KNTC1: variants seen among roughly 807,000 people sequenced by gnomAD.
KNTC1 encodes kinetochore associated 1, also known as kinetochore-associated protein 1.
A neutral mutation model predicts 314.4 loss-of-function variants in KNTC1; 253 were observed. The observed-to-expected ratio is 0.80, with a 90% CI of 0.73 to 0.89. KNTC1 has a LOEUF of 0.89. Among genes scored for constraint, KNTC1 ranks in the 40% least tolerant of loss-of-function variants. The pLI is 0.00. For synonymous variants in KNTC1, 901 were observed against 901.4 expected, an observed-to-expected ratio of 1.00 and a Z score of 0.01; for missense variants, 2,475 against 2,572.9, an observed-to-expected ratio of 0.96 and a Z score of 0.82.
intron 51 of KNTC1, among the ~76,000 whole-genome samples, chr12:122,608,366 G>A (rs1288982624): frequency 6.6e-6 from 1 of 152,138 alleles, no homozygotes; most frequent in Non-Finnish European, 1.5e-5. Context: ...CTGAGCTTAG[G>A]TGATTCACCC....
chr12:122,573,161 T>C lies in KNTC1; in HGVS notation c.2159T>C (p.Val720Ala), dbSNP rs191772462. The C allele has an allele frequency of 3.1e-6, 5 of 1,613,944 alleles. No individual in the cohort carries two copies. The highest frequency in any genetic ancestry group is 2.2e-5 in the East Asian group (1 of 44,854). The change falls in exon 26 of 64, where the codon GTG (valine) becomes GCG (alanine). Residue 720 changes from valine to alanine, a missense_variant. Val to Ala is a moderately conservative substitution (Grantham distance 64). Coordinates refer to ENST00000333479, the MANE Select transcript of KNTC1 (RefSeq NM_014708.6). ...DFEKENTTTI[V>A]FRMFDKVLAP... The stretch of plus-strand genomic sequence containing the variant: ...ATCCAGGAAAATACAACCACCATAG[T>C]GTTCCGAATGTTTGATAAAGTGCTG...
chr12:122,567,026 T>C (rs1054662264), intron 20 of KNTC1, among the ~76,000 whole-genome samples: 1 of 151,948 alleles, frequency 6.6e-6, no homozygotes, highest in African/African-American at 2.4e-5. Flanking sequence ...TGAGCCACTG[T>C]GGCTGGCTGC....
chr12:122,541,809 A>T (rs542570055), intron 5 of KNTC1, among the ~76,000 whole-genome samples: 41 of 151,570 alleles, frequency 2.7e-4, no homozygotes, highest in African/African-American at 9.7e-4. Context: ...TCATGAGGTC[A>T]AGAGATCAAG....
intron 3 of KNTC1, among the ~76,000 whole-genome samples, chr12:122,537,847 T>G (rs1348336245): frequency 2.0e-5 from 3 of 152,152 alleles, no homozygotes; most frequent in African/African-American, 7.2e-5. Context: ...AAATATTTCT[T>G]GACCAGCTGC....
chr12:122,576,494 C>T (rs1965029238), intron 29 of KNTC1, among the ~76,000 whole-genome samples: 1 of 152,140 alleles, frequency 6.6e-6, no homozygotes, highest in Non-Finnish European at 1.5e-5. Context: ...TTCTGGCCAA[C>T]ATGGTAAAAC....
At chr12:122,564,008 C>T (rs1322566877) in intron 20 of KNTC1, among the ~76,000 whole-genome samples, 3 of 152,116 alleles carry the variant, frequency 2.0e-5, no homozygotes, top group African/African-American at 4.8e-5. Context: ...AACGGAGTCT[C>T]GCTCTATTGC....
intron 18 of KNTC1, among the ~76,000 whole-genome samples, chr12:122,558,885 A>G (rs1963784552): frequency 6.6e-6 from 1 of 152,026 alleles, no homozygotes; most frequent in East Asian, 1.9e-4. Context: ...ACAAAAGAAA[A>G]CAAAACCTCT....
chr12:122,577,825 C>A, intron 31 of KNTC1, 34 bp downstream of exon 31: 1 of 1,580,814 alleles, frequency 6.3e-7, no homozygotes, highest in Non-Finnish European at 8.6e-7. Flanking sequence ...ATAAGTAAAT[C>A]CAATTTTTAT....
intron 59 of KNTC1, among the ~76,000 whole-genome samples, chr12:122,619,816 G>A (rs937746266): frequency 6.6e-6 from 1 of 152,176 alleles, no homozygotes; most frequent in Non-Finnish European, 1.5e-5. Context: ...AGTACCTACT[G>A]TATGAGCATA....
intron 34 of KNTC1, among the ~76,000 whole-genome samples, chr12:122,583,422 A>G: frequency 6.6e-6 from 1 of 152,242 alleles, no homozygotes; most frequent in East Asian, 1.9e-4. Context: ...TCAGTGTCAG[A>G]AAGTAGTAGC....
intron 51 of KNTC1, 92 bp from the exon 52 acceptor site, chr12:122,609,292 G>GATAAAAAACCTAATATACGATATTAT: frequency 1.3e-6 from 1 of 779,516 alleles, no homozygotes; most frequent in Non-Finnish European, 2.1e-6. Flanking sequence ...TCGTATATTA[G>GATAAAAAACCTAATATACGATATTAT]GTTTTTTATC....
intron 16 of KNTC1, among the ~76,000 whole-genome samples, chr12:122,554,072 A>ATATAT (rs1214945831): frequency 1.0e-3 from 67 of 63,994 alleles, no homozygotes; most frequent in South Asian, 9.4e-3. Flanking sequence ...CTTAAAAAAA[A>ATATAT]AAAAATATAT....
At chr12:122,549,925 A>G (rs1963071820) in intron 13 of KNTC1, 61 bp downstream of exon 13, 18 of 869,886 alleles carry the variant, frequency 2.1e-5, no homozygotes, top group South Asian at 1.8e-4. Flanking sequence ...CTGGTATCTA[A>G]TCAGGGATGA....
intron 40 of KNTC1, among the ~76,000 whole-genome samples, chr12:122,589,142 C>T (rs1319241282): frequency 6.6e-6 from 1 of 151,778 alleles, no homozygotes. Flanking sequence ...TTTGCTACAG[C>T]CTTGAACTTC....
rs913469947 is a variant in KNTC1, at chr12:122,584,788, T to C, written c.3437-105T>C. 31 of 666,136 alleles carry C rather than the reference T, an allele frequency of 4.7e-5. No individual in the cohort carries two copies. In the African/African-American group the frequency reaches 5.1e-4, roughly 11 times the overall value. The allele number at this position is 666,136 out of a possible 1,614,324, so 41.3% of individuals were successfully genotyped here. On this transcript the variant is annotated intron_variant, in intron 35 of 63. Coordinates refer to ENST00000333479, the MANE Select transcript of KNTC1 (RefSeq NM_014708.6). ...GCTATATGGAACCTTTCTATCTACA[T>C]TGTGGCCTTCCTTAGAATTTTAAAT...
At chr12:122,573,496 A>G (rs2137926191) in intron 26 of KNTC1, among the ~76,000 whole-genome samples, 1 of 152,330 alleles carries the variant, frequency 6.6e-6, no homozygotes, top group East Asian at 1.9e-4. Context: ...AATCTGAGAC[A>G]GTTCTCAGTT....
At chr12:122,534,634 G>C (rs1204609823) in intron 2 of KNTC1, 30 bp from the exon 3 acceptor site, 1 of 1,573,202 alleles carries the variant, frequency 6.4e-7, no homozygotes, top group East Asian at 2.3e-5. Flanking sequence ...AAAAATGTTT[G>C]AATTTTCATC....
chr12:122,614,981 T>C lies in KNTC1; in HGVS notation c.5878-10T>C, dbSNP rs1873609795. ...GGAATAGCATGATTTTTTTCTTTTT[T>C]TGGCTTCAGGCAGTAAGATTGGTGA... is the stretch of plus-strand genomic sequence containing the variant. On this transcript the variant is annotated splice_polypyrimidine_tract_variant and intron_variant, in intron 55 of 63. Transcript: ENST00000333479. The C allele has an allele frequency of 1.2e-6, 2 of 1,606,304 alleles. No homozygotes were observed. The highest frequency in any genetic ancestry group is 4.5e-5 in the East Asian group (2 of 44,812).
chr12:122,615,058 T>C lies in KNTC1; in HGVS notation c.5945T>C (p.Leu1982Pro). Residue 1982 changes from leucine (L) to proline (P), a missense_variant, in exon 56 of 64, where the codon CTC becomes CCC. Transcript: ENST00000333479. ...KIYDLQLWNG[L>P]LQKLLGFNMI... ...TATGACCTGCAGCTTTGGAATGGAC[T>C]CTTGCAAAAGCTTCTGGGCTTCAAT... is the stretch of plus-strand genomic sequence containing the variant. The C allele has an allele frequency of 6.2e-7, 1 of 1,613,262 alleles. No individual in the cohort carries two copies. The highest frequency in any genetic ancestry group is 8.5e-7 in the Non-Finnish European group (1 of 1,179,468).
Sources: allele counts gnomAD v4.1 joint callset (sites outside exome capture counted in the v4.1 genomes callset), GRCh38; gene constraint gnomAD v4.1.1; transcripts MANE v1.5; gene names NCBI Gene and HGNC (gene_info 2026-07-23, HGNC 2026-07-21).